Variants in IGFL2 observed in about 807,000 individuals in gnomAD.
IGFL2 encodes insulin growth factor-like family member 2.
IGFL2 carries 7 observed loss-of-function variants against 13.9 expected under a neutral mutation model. That is an observed-to-expected ratio of 0.51 (90% CI 0.29 to 0.95). The LOEUF is 0.95. Ranked by LOEUF, IGFL2 falls within the 40% of genes least tolerant of loss-of-function variation. The probability of loss-of-function intolerance (pLI) is 0.08; values close to 1 mark genes in which losing one functional copy is unlikely to be tolerated. For synonymous variants in IGFL2, 55 were observed against 55.8 expected, an observed-to-expected ratio of 0.99 and a Z score of 0.07; for missense variants, 138 against 147.8, an observed-to-expected ratio of 0.93 and a Z score of 0.34.
At chr19:46,110,211 A>G in the IGFL2 span, among the ~76,000 whole-genome samples, 2 of 152,346 alleles carry the variant, frequency 1.3e-5, no homozygotes, top group Admixed American at 6.5e-5. Flanking sequence ...CTGCTTCTGT[A>G]CATTCACTTT....
At chr19:46,197,137 T>C in the IGFL2 span, 2 of 225,056 alleles carry the variant, frequency 8.9e-6, no homozygotes, top group African/African-American at 2.3e-5. Flanking sequence ...TGCCCTCGGA[T>C]GGGACCCAGA....
chr19:46,107,892 A>G, the IGFL2 span, among the ~76,000 whole-genome samples: 1 of 152,150 alleles, frequency 6.6e-6, no homozygotes, highest in Non-Finnish European at 1.5e-5. Flanking sequence ...ATATTTGGTG[A>G]AAAAGAGCCT....
chr19:46,136,998 C>A, the IGFL2 span: 1 of 1,558,424 alleles, frequency 6.4e-7, no homozygotes. Context: ...AACTGACTGG[C>A]AGAGAAAGGG....
chr19:46,112,620 C>T, the IGFL2 span, among the ~76,000 whole-genome samples: 1 of 152,292 alleles, frequency 6.6e-6, no homozygotes, highest in African/African-American at 2.4e-5. Context: ...GTGGCTGAAT[C>T]AAACAGCCCT....
the IGFL2 span, among the ~76,000 whole-genome samples, chr19:46,079,231 T>C: frequency 6.6e-6 from 1 of 152,276 alleles, no homozygotes; most frequent in East Asian, 1.9e-4. Flanking sequence ...TTTCGGGCGT[T>C]CTGGACAATT....
At chr19:46,173,280 C>T in the IGFL2 span, among the ~76,000 whole-genome samples, 1 of 152,104 alleles carries the variant, frequency 6.6e-6, no homozygotes, top group Non-Finnish European at 1.5e-5. Flanking sequence ...TATATGGAGC[C>T]CAGAAGGTGA....
At chr19:46,176,472 T>C in the IGFL2 span, among the ~76,000 whole-genome samples, 1 of 152,066 alleles carries the variant, frequency 6.6e-6, no homozygotes, top group Non-Finnish European at 1.5e-5. Context: ...GGATCCAAAA[T>C]GAGCTTTTAT....
chr19:46,211,166 C>T, the IGFL2 span, among the ~76,000 whole-genome samples: 3 of 152,232 alleles, frequency 2.0e-5, no homozygotes, highest in African/African-American at 7.2e-5. Flanking sequence ...ACCCTGGGGC[C>T]TCTCCTCCAG....
chr19:46,096,589 G>C, the IGFL2 span, among the ~76,000 whole-genome samples: 1 of 152,114 alleles, frequency 6.6e-6, no homozygotes, highest in Non-Finnish European at 1.5e-5. Context: ...GGGTATCCTT[G>C]TCTTGTGCCA....
chr19:46,136,965 AT>A, the IGFL2 span: 5 of 1,408,178 alleles, frequency 3.6e-6, no homozygotes, highest in African/African-American at 4.3e-5. Flanking sequence ...TACCTGCTGT[AT>A]ATCTGTGTTT....
chr19:46,107,133 C>T, the IGFL2 span, among the ~76,000 whole-genome samples: 3 of 152,106 alleles, frequency 2.0e-5, no homozygotes, highest in South Asian at 4.2e-4. Flanking sequence ...GCAGCCTGGC[C>T]GTCAATACCC....
chr19:46,130,952 A>G, the IGFL2 span, among the ~76,000 whole-genome samples: 1 of 152,142 alleles, frequency 6.6e-6, no homozygotes, highest in Non-Finnish European at 1.5e-5. Context: ...GTCTTTTACC[A>G]CTGCCCTACA....
chr19:46,107,387 G>GGC, the IGFL2 span, among the ~76,000 whole-genome samples: 1 of 152,234 alleles, frequency 6.6e-6, no homozygotes, highest in Non-Finnish European at 1.5e-5. Context: ...CTCTGGGAGT[G>GGC]GCTGCTAGGC....
the IGFL2 span, chr19:46,207,981 C>G: frequency 6.6e-6 from 1 of 152,198 alleles, no homozygotes; most frequent in Non-Finnish European, 1.5e-5. Flanking sequence ...GAATAGGGGT[C>G]TGAACACTTC....
upstream of IGFL2, among the ~76,000 whole-genome samples, chr19:46,141,334 C>T (rs953991300): frequency 3.3e-5 from 5 of 152,148 alleles, no homozygotes; most frequent in African/African-American, 1.2e-4. Context: ...TGCCGGAAAA[C>T]GCTGCCCTGC....
chr19:46,133,444 C>T, the IGFL2 span, among the ~76,000 whole-genome samples: 4 of 152,156 alleles, frequency 2.6e-5, no homozygotes, highest in Non-Finnish European at 5.9e-5. Context: ...TGGCTAGCAA[C>T]TTAGAACTTC....
intron 1 of IGFL2, among the ~76,000 whole-genome samples, chr19:46,154,630 T>C (rs562855872): frequency 2.2e-3 from 334 of 152,006 alleles, no homozygotes; most frequent in African/African-American, 7.8e-3. Flanking sequence ...ATTTTTTTTT[T>C]AGTAGAGACG....
chr19:46,121,093 G>A, the IGFL2 span, among the ~76,000 whole-genome samples: 1 of 150,072 alleles, frequency 6.7e-6, no homozygotes, highest in African/African-American at 2.5e-5. Context: ...AAAGTTCCAG[G>A]CACCACTATA....
chr19:46,162,367 C>A (rs1006918731), downstream of IGFL2, among the ~76,000 whole-genome samples: 3 of 152,216 alleles, frequency 2.0e-5, no homozygotes, highest in Admixed American at 6.5e-5. Context: ...TTTTCATGGA[C>A]AATATCCTGA....
Sources: gnomAD v4.1 joint callset for allele counts (sites outside exome capture counted in the v4.1 genomes callset) on GRCh38, gnomAD v4.1.1 for gene constraint, MANE v1.5 for transcripts, NCBI Gene and HGNC (gene_info 2026-07-23, HGNC 2026-07-21) for gene names.